Variants in TMEM223 observed in about 807,000 individuals in gnomAD.
The protein encoded by TMEM223 is transmembrane protein 223.
In TMEM223, 14 loss-of-function variants were observed where a neutral mutation model predicts 14.1. The observed-to-expected ratio is 0.99, with a 90% confidence interval of 0.66 to 1.55. The LOEUF is 1.55. Among genes scored for constraint, TMEM223 ranks in the 40% most tolerant of loss-of-function variants. TMEM223 has a pLI of 0.00. For synonymous variants in TMEM223, 145 were observed against 120.5 expected (o/e 1.20, Z -1.33); for missense variants, 346 against 269.9 (o/e 1.28, Z -1.97).
intron 1 of TMEM223, chr11:62,778,189 A>G: frequency 6.2e-7 from 1 of 1,613,648 alleles, no homozygotes; most frequent in Non-Finnish European, 8.5e-7. Context: ...AGAAGTGGTG[A>G]TGGGCTGGCT....
At chr11:62,773,142 A>G (rs1349246361) in intron 2 of TMEM223, among the ~76,000 whole-genome samples, 1 of 143,344 alleles carries the variant, frequency 7.0e-6, no homozygotes, top group Admixed American at 7.1e-5. Flanking sequence ...TGCCTGGCCT[A>G]TAATTACAAA....
chr11:62,779,370 A>G (rs921232007), intron 1 of TMEM223, among the ~76,000 whole-genome samples: 49 of 151,504 alleles, frequency 3.2e-4, no homozygotes, highest in Admixed American at 3.1e-3. Flanking sequence ...AATTTTTTGT[A>G]TTTTTTAGTA....
At chr11:62,783,202 G>C (rs1387677470), downstream of TMEM223, among the ~76,000 whole-genome samples, 1 of 152,170 alleles carries the variant, frequency 6.6e-6, no homozygotes, top group Non-Finnish European at 1.5e-5. Flanking sequence ...AGGTGTTGGC[G>C]CCGGGCGCAG....
chr11:62,787,518 T>G (rs1219289526), downstream of TMEM223: 1 of 1,574,278 alleles, frequency 6.4e-7, no homozygotes, highest in East Asian at 2.3e-5. Context: ...CGGCGATGAC[T>G]CGGACCCAGG....
At chr11:62,783,935 T>C (rs1473068218), downstream of TMEM223, among the ~76,000 whole-genome samples, 1 of 148,742 alleles carries the variant, frequency 6.7e-6, no homozygotes, top group Non-Finnish European at 1.5e-5. Flanking sequence ...TAAGTTCTAT[T>C]TGTTGCTTTT....
downstream of TMEM223, chr11:62,787,178 C>T (rs976524250): frequency 3.8e-5 from 60 of 1,586,528 alleles, no homozygotes; most frequent in Non-Finnish European, 5.0e-5. Context: ...GCCTTCCCCG[C>T]GCCGTACGGG....
At chr11:62,772,077 T>G (rs1020470653) in exon 3 of TMEM223, 1 of 456,234 alleles carries the variant, frequency 2.2e-6, no homozygotes, top group East Asian at 7.0e-5. Context: ...CAGTGCTTAC[T>G]TCATGATCTT....
In TMEM223 at chr11:62,782,431, A is replaced by C. The variant is rs780059369; in HGVS notation, c.315-7766T>G. ...AAGCCTCTGGCTTTGAGAGTCTATG[A>C]GAAGATGGGGAACCTTTTCCCTAGG... On this transcript the variant is annotated intron_variant, in intron 1 of 2. Transcript: ENST00000528367. 2.9e-4 allele frequency: 381 copies of C among 1,330,128 alleles called. 1 individual carries two copies. The highest frequency in any genetic ancestry group is 3.7e-4 in the Non-Finnish European group (355 of 969,086). The allele number at this position is 1,330,128 out of a possible 1,614,324, so 82.4% of individuals were successfully genotyped here. A position where few individuals can be genotyped will look rare whatever the true frequency, so the allele number is the denominator to read the frequency against.
At chr11:62,771,940 T>C (rs78063688) in exon 3 of TMEM223, 9,498 of 356,074 alleles carry the variant, frequency 0.027, 253 homozygotes, top group East Asian at 0.15. Flanking sequence ...AAGGGGTGGG[T>C]CTCCAATCCA....
rs760912670 is a variant in TMEM223, at chr11:62,790,341, C to T, written c.*282G>A. On this transcript the variant is annotated 3_prime_UTR_variant, in exon 2 of 2. Transcript: ENST00000307366. ...GAAACTTAGAGGTACTGTTAGGCAGCTGCCCTAGGGATGACTGCTCCTTTA... is the reference window on the plus strand; with the variant it reads ...GAAACTTAGAGGTACTGTTAGGCAGTTGCCCTAGGGATGACTGCTCCTTTA... 1.1e-5 allele frequency: 6 copies of T among 537,956 alleles called. No individual in the cohort carries two copies. The highest frequency in any genetic ancestry group is 3.7e-5 in the Admixed American group (1 of 27,262). 33.3% of individuals were successfully genotyped at this position (537,956 alleles called of 1,614,324 possible). A position where few individuals can be genotyped will look rare whatever the true frequency, so the allele number is the denominator to read the frequency against.
downstream of TMEM223, chr11:62,787,760 G>A (rs911010987): frequency 1.2e-5 from 8 of 686,356 alleles, no homozygotes; most frequent in African/African-American, 1.8e-5. Flanking sequence ...GGTCAGTAGC[G>A]TCTTAAAGCA....
At chr11:62,787,257 G>C (rs2084292272), downstream of TMEM223, 3 of 1,566,926 alleles carry the variant, frequency 1.9e-6, no homozygotes, top group South Asian at 2.3e-5. Context: ...CCGCCCGCCG[G>C]TGGGCGCTCT....
downstream of TMEM223, chr11:62,786,250 T>C (rs747098014): frequency 3.1e-6 from 5 of 1,607,664 alleles, no homozygotes; most frequent in Non-Finnish European, 4.3e-6. Context: ...ATTCCTTCTC[T>C]TCCTTCCAGG....
downstream of TMEM223, among the ~76,000 whole-genome samples, chr11:62,784,551 C>T (rs1474382699): frequency 6.6e-6 from 1 of 152,122 alleles, no homozygotes; most frequent in Non-Finnish European, 1.5e-5. Context: ...CATGATCCGC[C>T]CGCCTTGGCC....
downstream of TMEM223, among the ~76,000 whole-genome samples, chr11:62,783,124 A>G (rs2084242569): frequency 6.6e-6 from 1 of 152,214 alleles, no homozygotes; most frequent in African/African-American, 2.4e-5. Context: ...ACATGAATAG[A>G]TACTGAATTT....
chr11:62,783,962 TGAGATGGAATC>T, downstream of TMEM223, among the ~76,000 whole-genome samples: 1 of 90,082 alleles, frequency 1.1e-5, no homozygotes, highest in East Asian at 3.2e-4. Flanking sequence ...TTTGTTTTTT[TGAGATGGAATC>T]TTGCCAAGAT....
downstream of TMEM223, chr11:62,786,935 G>C: frequency 6.8e-7 from 1 of 1,469,858 alleles, no homozygotes; most frequent in Admixed American, 2.5e-5. Context: ...GAGAGCCCCC[G>C]GGGCAGCGGC....
chr11:62,772,250 G>T, intron 2 of TMEM223: 1 of 407,074 alleles, frequency 2.5e-6, no homozygotes. Flanking sequence ...GGCCGGGCGC[G>T]GTGGCTCACG....
chr11:62,790,579 T>C lies in TMEM223; in HGVS notation c.*44A>G. On this transcript the variant is annotated 3_prime_UTR_variant, in exon 2 of 2. Coordinates refer to ENST00000307366, the MANE Select transcript of TMEM223 (RefSeq NM_001080501.3). ...CACACCTGGCTCCCCAAGGTTCAGT[T>C]TTTATCCTCCTCTTGGAGAGGTGAG... 6.5e-7 allele frequency: 1 copy of C among 1,547,962 alleles called. No homozygotes were observed. Among genetic ancestry groups the C allele is most frequent in the Non-Finnish European group, 8.8e-7 (1 of 1,140,370 alleles).
Sources: allele counts gnomAD v4.1 joint callset (sites outside exome capture counted in the v4.1 genomes callset), GRCh38; gene constraint gnomAD v4.1.1; transcripts MANE v1.5; gene names NCBI Gene and HGNC (gene_info 2026-07-23, HGNC 2026-07-21).